Variants in AKR1C8 observed in about 807,000 individuals in gnomAD.
AKR1C8 encodes aldo-keto reductase family 1 member C-like protein 1.
At chr10:5,131,283 T>C in the AKR1C8 span, among the ~76,000 whole-genome samples, 1 of 151,928 alleles carries the variant, frequency 6.6e-6, no homozygotes, top group Non-Finnish European at 1.5e-5. Flanking sequence ...AGAATTTATC[T>C]CTAAGACCCC....
chr10:5,174,784 A>C, the AKR1C8 span, among the ~76,000 whole-genome samples: 1 of 152,070 alleles, frequency 6.6e-6, no homozygotes, highest in Non-Finnish European at 1.5e-5. Flanking sequence ...CATAAAAATA[A>C]ATATTTTGCC....
At chr10:5,118,557 G>A in the AKR1C8 span, among the ~76,000 whole-genome samples, 59,588 of 151,922 alleles carry the variant, frequency 0.39, 12,482 homozygotes, top group Non-Finnish European at 0.43. Flanking sequence ...ATGGATTCTG[G>A]TTCCTATGAC....
chr10:5,133,811 C>G, the AKR1C8 span, among the ~76,000 whole-genome samples: 1 of 152,158 alleles, frequency 6.6e-6, no homozygotes, highest in Non-Finnish European at 1.5e-5. Context: ...TCACTCCTTT[C>G]TACACAGCCA....
At chr10:5,170,095 GTTA>G in the AKR1C8 span, among the ~76,000 whole-genome samples, 1 of 152,062 alleles carries the variant, frequency 6.6e-6, no homozygotes, top group South Asian at 2.1e-4. Context: ...GACACCCTTA[GTTA>G]TTAGTTGTTG....
At chr10:5,137,573 TA>T in the AKR1C8 span, among the ~76,000 whole-genome samples, 1 of 152,208 alleles carries the variant, frequency 6.6e-6, no homozygotes, top group East Asian at 1.9e-4. Flanking sequence ...AAACTCTCAA[TA>T]AACTAGGTAA....
chr10:5,180,916 A>G, the AKR1C8 span, among the ~76,000 whole-genome samples: 6 of 152,126 alleles, frequency 3.9e-5, no homozygotes, highest in Admixed American at 2.6e-4. Context: ...AGGAAAGGGA[A>G]CTCCCTGACC....
At chr10:5,166,780 T>A in the AKR1C8 span, among the ~76,000 whole-genome samples, 1 of 151,884 alleles carries the variant, frequency 6.6e-6, no homozygotes, top group Non-Finnish European at 1.5e-5. Flanking sequence ...AAGCCAAAAT[T>A]GACAAATGGG....
the AKR1C8 span, among the ~76,000 whole-genome samples, chr10:5,167,789 C>T: frequency 4.0e-5 from 6 of 150,876 alleles, no homozygotes; most frequent in Admixed American, 3.3e-4. Flanking sequence ...AAAAAAAAGA[C>T]AGTAAATGAT....
the AKR1C8 span, among the ~76,000 whole-genome samples, chr10:5,169,558 C>T: frequency 1.5e-5 from 2 of 129,442 alleles, no homozygotes; most frequent in African/African-American, 5.6e-5. Context: ...TTCTTAATGA[C>T]AGTCAGAGGC....
chr10:5,165,858 A>C, the AKR1C8 span, among the ~76,000 whole-genome samples: 1 of 152,188 alleles, frequency 6.6e-6, no homozygotes, highest in Non-Finnish European at 1.5e-5. Context: ...TTATGATCTA[A>C]GAAATCTAGA....
the AKR1C8 span, among the ~76,000 whole-genome samples, chr10:5,183,835 A>C: frequency 6.6e-6 from 1 of 152,220 alleles, no homozygotes; most frequent in African/African-American, 2.4e-5. Flanking sequence ...ACAAGGCCCA[A>C]CATCAAAATG....
At chr10:5,150,260 GT>G in the AKR1C8 span, among the ~76,000 whole-genome samples, 1 of 152,038 alleles carries the variant, frequency 6.6e-6, no homozygotes, top group East Asian at 1.9e-4. Context: ...GTGATTATAA[GT>G]TGCTTTTTGA....
chr10:5,143,994 A>G, the AKR1C8 span, among the ~76,000 whole-genome samples: 4 of 152,102 alleles, frequency 2.6e-5, no homozygotes, highest in East Asian at 7.7e-4. Flanking sequence ...CCACATTACC[A>G]TATTCCACAA....
the AKR1C8 span, among the ~76,000 whole-genome samples, chr10:5,123,094 T>C: frequency 6.6e-6 from 1 of 152,166 alleles, no homozygotes; most frequent in African/African-American, 2.4e-5. Flanking sequence ...CCTAATTCTC[T>C]CCACCCATGC....
the AKR1C8 span, among the ~76,000 whole-genome samples, chr10:5,182,676 G>A: frequency 0.067 from 10,215 of 152,072 alleles, 401 homozygotes; most frequent in Middle Eastern, 0.088. Context: ...TTGGGAGGCC[G>A]AGGCAGGCAG....
At chr10:5,180,987 C>A in the AKR1C8 span, among the ~76,000 whole-genome samples, 1 of 152,208 alleles carries the variant, frequency 6.6e-6, no homozygotes, top group Admixed American at 6.5e-5. Flanking sequence ...CAGTGCACTG[C>A]ACCCACTGTC....
At chr10:5,160,946 G>C in the AKR1C8 span, 1 of 466,372 alleles carries the variant, frequency 2.1e-6, no homozygotes, top group Non-Finnish European at 4.4e-6. Context: ...CTCCTTTCTG[G>C]TGCCTAAGGA....
At chr10:5,126,501 G>C in the AKR1C8 span, among the ~76,000 whole-genome samples, 48 of 152,158 alleles carry the variant, frequency 3.2e-4, no homozygotes, top group African/African-American at 1.1e-3. Context: ...GAATCCAGTT[G>C]AGAGCTCTCC....
the AKR1C8 span, among the ~76,000 whole-genome samples, chr10:5,122,454 T>C: frequency 6.6e-6 from 1 of 152,324 alleles, no homozygotes; most frequent in Admixed American, 6.5e-5. Context: ...AATCACTTGT[T>C]TTAAAATGGA....
Sources: gnomAD v4.1 joint callset for allele counts (sites outside exome capture counted in the v4.1 genomes callset) on GRCh38, gnomAD v4.1.1 for gene constraint, MANE v1.5 for transcripts, NCBI Gene and HGNC (gene_info 2026-07-23, HGNC 2026-07-21) for gene names.